Variants in RNGTT observed in about 807,000 individuals in gnomAD.
RNGTT encodes RNA guanylyltransferase and 5'-phosphatase.
Under a neutral mutation model 79.3 loss-of-function variants are expected in RNGTT, and 33 were observed. The observed-to-expected ratio is 0.42, with a 90% confidence interval of 0.32 to 0.56. RNGTT has a LOEUF of 0.56. RNGTT is among the 20% of genes least tolerant of loss of function. The pLI, the probability that RNGTT is intolerant of heterozygous loss-of-function variation, is 0.17. For missense variants in RNGTT, 497 were observed against 739.1 expected (o/e 0.67, Z 3.80); for synonymous variants, 222 against 235.9 (o/e 0.94, Z 0.54).
At chr6:88,909,918 A>T (rs1783777877) in intron 4 of RNGTT, among the ~76,000 whole-genome samples, 1 of 152,002 alleles carries the variant, frequency 6.6e-6, no homozygotes, top group Admixed American at 6.6e-5. Flanking sequence ...AAGCCAACTG[A>T]CTATACACAA....
At position 88,937,398 on chromosome 6, in the gene RNGTT, T is replaced by C. The variant is rs145290458; in HGVS notation, c.174+3673A>G. ...TTTTGTATTTCTGTGGTATCAACTG[T>C]AATATTCTCTTTCTCATTTCTGATT... On this transcript the variant is annotated intron_variant, in intron 2 of 15. Transcript: ENST00000369485. Among the ~76,000 whole-genome samples, 65 of 152,236 alleles carry C rather than the reference T, an allele frequency of 4.3e-4. No individual in the cohort carries two copies. In the Middle Eastern group the frequency reaches 0.014, roughly 32 times the overall value.
chr6:88,827,093 G>T (rs1428577667), intron 11 of RNGTT, among the ~76,000 whole-genome samples: 3 of 151,964 alleles, frequency 2.0e-5, no homozygotes, highest in South Asian at 4.1e-4. Flanking sequence ...GTATTCAGAG[G>T]CCTGGCAAGA....
At chr6:88,621,495 T>TACTCCTTCCC (rs1772441855) in intron 14 of RNGTT, among the ~76,000 whole-genome samples, 1 of 152,092 alleles carries the variant, frequency 6.6e-6, no homozygotes, top group Admixed American at 6.6e-5. Flanking sequence ...TTCTCCTTCT[T>TACTCCTTCCC]ACTCCTTCCC....
At chr6:88,777,951 T>G (rs1778944406) in intron 12 of RNGTT, among the ~76,000 whole-genome samples, 1 of 152,176 alleles carries the variant, frequency 6.6e-6, no homozygotes, top group African/African-American at 2.4e-5. Flanking sequence ...GGCCTTTGTG[T>G]TGAGAAAATT....
At chr6:88,619,681 T>C (rs1772371100) in intron 14 of RNGTT, among the ~76,000 whole-genome samples, 1 of 152,240 alleles carries the variant, frequency 6.6e-6, no homozygotes, top group Non-Finnish European at 1.5e-5. Flanking sequence ...TGACCATTTT[T>C]TTCTTTTCTG....
At chr6:88,786,927 C>T (rs1474868938) in intron 12 of RNGTT, among the ~76,000 whole-genome samples, 1 of 152,096 alleles carries the variant, frequency 6.6e-6, no homozygotes, top group Non-Finnish European at 1.5e-5. Flanking sequence ...AGAAAAGAGA[C>T]CCAGGAAAGC....
chr6:88,857,481 T>C (rs540666590), intron 8 of RNGTT, among the ~76,000 whole-genome samples: 22 of 152,278 alleles, frequency 1.4e-4, no homozygotes, highest in Admixed American at 7.9e-4. Context: ...ACTCAATATT[T>C]GTTAAGCAAA....
At chr6:88,935,755 C>A (rs1401186900) in intron 2 of RNGTT, among the ~76,000 whole-genome samples, 1 of 152,034 alleles carries the variant, frequency 6.6e-6, no homozygotes, top group Non-Finnish European at 1.5e-5. Flanking sequence ...CATCACTGTT[C>A]TAGTTTTCCT....
At chr6:88,884,916 T>C (rs1782807693) in intron 8 of RNGTT, among the ~76,000 whole-genome samples, 1 of 152,038 alleles carries the variant, frequency 6.6e-6, no homozygotes. Flanking sequence ...TAGTAAATAT[T>C]ATGGATAATG....
chr6:88,641,776 A>G (rs1203173355), intron 14 of RNGTT, among the ~76,000 whole-genome samples: 1 of 152,218 alleles, frequency 6.6e-6, no homozygotes, highest in Non-Finnish European at 1.5e-5. Flanking sequence ...AAGAAAAGAA[A>G]CCACTGTAAA....
intron 11 of RNGTT, among the ~76,000 whole-genome samples, chr6:88,834,199 A>G: frequency 6.6e-6 from 1 of 152,334 alleles, no homozygotes; most frequent in Middle Eastern, 3.4e-3. Flanking sequence ...TATATATGGC[A>G]TGAGATACAA....
intron 8 of RNGTT, among the ~76,000 whole-genome samples, chr6:88,867,432 G>A (rs944690932): frequency 2.6e-5 from 4 of 151,996 alleles, no homozygotes; most frequent in East Asian, 1.9e-4. Flanking sequence ...GCAGTGAGCC[G>A]AGATCATGGC....
intron 14 of RNGTT, among the ~76,000 whole-genome samples, chr6:88,653,132 T>A (rs1773857178): frequency 6.6e-6 from 1 of 152,148 alleles, no homozygotes; most frequent in South Asian, 2.1e-4. Context: ...AGAAGCAAAA[T>A]ACTGGTTAAA....
chr6:88,617,752 C>G (rs1772286482), intron 14 of RNGTT, among the ~76,000 whole-genome samples: 1 of 151,904 alleles, frequency 6.6e-6, no homozygotes, highest in Admixed American at 6.6e-5. Flanking sequence ...GGGTGGAATG[C>G]ATTTTAGTAG....
rs560025067 is a variant in RNGTT, at chr6:88,702,104, T to A, written c.1440-23685A>T. ...ATAGAAAACATTCCATGCTCACAGG[T>A]TGAAAGAATCAATATCATTAAAATG... On this transcript the variant is annotated intron_variant, in intron 13 of 15. Coordinates refer to ENST00000369485, the MANE Select transcript of RNGTT (RefSeq NM_003800.5). Among the ~76,000 whole-genome samples the A allele has an allele frequency of 2.0e-5, 3 of 149,144 alleles. No homozygotes were observed. The East Asian group carries it at 5.8e-4, about 29-fold the overall frequency.
intron 13 of RNGTT, among the ~76,000 whole-genome samples, chr6:88,706,259 C>T (rs1275005914): frequency 1.3e-5 from 2 of 151,300 alleles, no homozygotes; most frequent in Admixed American, 1.3e-4. Context: ...AGAAATAACT[C>T]TGTATTTGGT....
At chr6:88,852,251 T>G (rs1055527803) in intron 9 of RNGTT, among the ~76,000 whole-genome samples, 3 of 152,086 alleles carry the variant, frequency 2.0e-5, no homozygotes, top group African/African-American at 7.2e-5. Context: ...CTCTAAGCAA[T>G]ACCCGTACTC....
At chr6:88,677,521 C>T (rs1038875448) in intron 14 of RNGTT, among the ~76,000 whole-genome samples, 1 of 152,140 alleles carries the variant, frequency 6.6e-6, no homozygotes, top group Non-Finnish European at 1.5e-5. Flanking sequence ...GGCTGGAATG[C>T]AGTGGTGTGA....
chr6:88,758,184 C>G (rs1778083858), intron 13 of RNGTT, among the ~76,000 whole-genome samples: 2 of 152,108 alleles, frequency 1.3e-5, no homozygotes, highest in Non-Finnish European at 2.9e-5. Flanking sequence ...AAACAAAAAG[C>G]CCTTAAGTGA....
Sources: allele counts gnomAD v4.1 joint callset (sites outside exome capture counted in the v4.1 genomes callset), GRCh38; gene constraint gnomAD v4.1.1; transcripts MANE v1.5; gene names NCBI Gene and HGNC (gene_info 2026-07-23, HGNC 2026-07-21).